The following TMEM170B variants were observed in gnomAD, a reference collection of about 807,000 sequenced individuals.
TMEM170B encodes transmembrane protein 170B.
TMEM170B carries 6 observed loss-of-function variants against 13.0 expected under a neutral mutation model. The observed-to-expected ratio is 0.46, with a 90% CI of 0.25 to 0.91. TMEM170B has a LOEUF of 0.91. TMEM170B is among the 40% of genes least tolerant of loss of function. The pLI is 0.17. For synonymous variants in TMEM170B, 61 were observed against 64.9 expected (o/e 0.94, Z 0.29); for missense variants, 138 against 165.2 (o/e 0.84, Z 0.90).
intron 1 of TMEM170B, among the ~76,000 whole-genome samples, chr6:11,549,556 G>A (rs539377999): frequency 2.6e-5 from 4 of 151,876 alleles, no homozygotes; most frequent in African/African-American, 7.3e-5. Context: ...CCAGCTACTC[G>A]GGAGGCTGAG....
chr6:11,574,268 A>G (rs1759844797), intron 2 of TMEM170B, among the ~76,000 whole-genome samples: 1 of 152,122 alleles, frequency 6.6e-6, no homozygotes, highest in South Asian at 2.1e-4. Flanking sequence ...ACACTATTTT[A>G]ATTTCCTTTT....
rs1759980469 is a variant in TMEM170B, at chr6:11,583,118, C to G, written c.*7557C>G. 1 of 152,130 alleles carries G rather than the reference C, an allele frequency of 6.6e-6. No homozygotes were observed. The highest frequency in any genetic ancestry group is 2.4e-5 in the African/African-American group (1 of 41,416). 9.4% of individuals were successfully genotyped at this position (152,130 alleles called of 1,614,324 possible). On this transcript the variant is annotated 3_prime_UTR_variant, in exon 3 of 3. Transcript: ENST00000379426. ...TTAATTGCAGTAAGCATCAGTTTAG[C>G]CTAGAGATGTTGATCTTTATTTTAA...
At chr6:11,545,534 G>A (rs887975579) in intron 1 of TMEM170B, among the ~76,000 whole-genome samples, 28 of 151,998 alleles carry the variant, frequency 1.8e-4, no homozygotes, top group Non-Finnish European at 3.4e-4. Context: ...GATCATGGCC[G>A]TCCTAATGTC....
chr6:11,538,431 T>C, intron 1 of TMEM170B, 57 bp downstream of exon 1: 1 of 1,319,142 alleles, frequency 7.6e-7, no homozygotes, highest in South Asian at 1.4e-5. Flanking sequence ...TCCTGTCTTC[T>C]CCTTCCTCGG....
chr6:11,569,922 G>A (rs1350637856), intron 2 of TMEM170B, among the ~76,000 whole-genome samples: 1 of 151,344 alleles, frequency 6.6e-6, no homozygotes, highest in Non-Finnish European at 1.5e-5. Flanking sequence ...AATCCCAGTG[G>A]TTTTGTGGTA....
intron 1 of TMEM170B, 88 bp downstream of exon 1, chr6:11,538,462 G>T (rs1327897095): frequency 7.9e-6 from 8 of 1,008,726 alleles, no homozygotes; most frequent in African/African-American, 1.7e-5. Context: ...GCTCCTCGCC[G>T]CCCCACCCCC....
In TMEM170B at chr6:11,546,475, T is replaced by C. The variant is rs563749630; in HGVS notation, c.97+8101T>C. Among the ~76,000 whole-genome samples, 7 of 152,304 alleles carry C rather than the reference T, an allele frequency of 4.6e-5. No homozygotes were observed. In the East Asian group the frequency reaches 1.3e-3, roughly 29 times the overall value. ...TTTAGTGTAGCCTGTGTATAGTGTT[T>C]ATAAAGTCTACAGCAGTGTACAGTA... On this transcript the variant is annotated intron_variant, in intron 1 of 2. Transcript: ENST00000379426.
At chr6:11,552,613 A>G (rs190604473) in intron 1 of TMEM170B, among the ~76,000 whole-genome samples, 16 of 152,318 alleles carry the variant, frequency 1.1e-4, no homozygotes, top group African/African-American at 2.9e-4. Flanking sequence ...TTTGTATTAC[A>G]CAATAGAGTC....
intron 2 of TMEM170B, among the ~76,000 whole-genome samples, chr6:11,572,820 T>C (rs576621054): frequency 3.3e-5 from 5 of 152,098 alleles, no homozygotes; most frequent in South Asian, 4.1e-4. Flanking sequence ...CACATACATA[T>C]GTATGTATGT....
intron 1 of TMEM170B, 91 bp downstream of exon 1, chr6:11,538,465 C>T (rs1759312098): frequency 1.0e-6 from 1 of 988,452 alleles, no homozygotes; most frequent in Non-Finnish European, 1.4e-6. Flanking sequence ...CCTCGCCGCC[C>T]CACCCCCGTG....
intron 2 of TMEM170B, among the ~76,000 whole-genome samples, chr6:11,571,838 CAAGTT>C (rs1276262100): frequency 1.3e-5 from 2 of 151,954 alleles, no homozygotes; most frequent in Admixed American, 1.3e-4. Flanking sequence ...CCCTGTGACT[CAAGTT>C]ATAAAAAGAC....
At chr6:11,542,914 G>A (rs1269001425) in intron 1 of TMEM170B, among the ~76,000 whole-genome samples, 1 of 152,156 alleles carries the variant, frequency 6.6e-6, no homozygotes, top group Non-Finnish European at 1.5e-5. Context: ...AAGTACATTT[G>A]AAAGGAAACT....
chr6:11,541,121 A>C (rs1582136384), intron 1 of TMEM170B, among the ~76,000 whole-genome samples: 1 of 152,150 alleles, frequency 6.6e-6, no homozygotes, highest in Non-Finnish European at 1.5e-5. Flanking sequence ...AGGGCGCCAG[A>C]ATGGTAAATG....
Position 11,549,595 on chromosome 6 carries a change from G to A in TMEM170B, c.97+11221G>A, listed in dbSNP as rs186903384. On this transcript the variant is annotated intron_variant, in intron 1 of 2. Transcript: ENST00000379426. The stretch of plus-strand genomic sequence containing the variant: ...GGAGAATGGCATGAACCCTGGAGGC[G>A]GAGCTTGCAGCGAGCCGAGATGGCG... Among the ~76,000 whole-genome samples, 370 of 151,932 alleles carry A rather than the reference G, an allele frequency of 2.4e-3. 2 individuals are homozygous for A. The highest frequency in any genetic ancestry group is 9.1e-3 in the South Asian group (44 of 4,814).
rs1482674387 is a variant in TMEM170B at position 11,580,540 on chromosome 6, A to G, written c.*4979A>G. 1.3e-5 allele frequency: 2 copies of G among 152,220 alleles called. No homozygotes were observed. The highest frequency in any genetic ancestry group is 1.9e-4 in the East Asian group (1 of 5,204). The allele number at this position is 152,220 out of a possible 1,614,324, so 9.4% of individuals were successfully genotyped here. ...AAATTCTAGCAGATTTCGATTGCAG[A>G]GAAATTTGGTAACACTTTTTGGGTA... is the stretch of plus-strand genomic sequence containing the variant. On this transcript the variant is annotated 3_prime_UTR_variant, in exon 3 of 3. Coordinates refer to ENST00000379426, the MANE Select transcript of TMEM170B (RefSeq NM_001100829.3).
In TMEM170B at chr6:11,575,860, G is replaced by T. The variant is rs149003983; in HGVS notation, c.*299G>T. The T allele has an allele frequency of 2.8e-5, 6 of 216,690 alleles. 1 individual carries two copies. Among genetic ancestry groups the T allele is most frequent in the Middle Eastern group, 3.4e-3 (2 of 582 alleles). The allele number at this position is 216,690 out of a possible 1,614,324, so 13.4% of individuals were successfully genotyped here. The stretch of plus-strand genomic sequence containing the variant: ...GGTTAACATTGGTGTTGAAATCATC[G>T]TTCCTAACAGTGTTATGTTAAGTTA... On this transcript the variant is annotated 3_prime_UTR_variant, in exon 3 of 3. Coordinates refer to ENST00000379426, the MANE Select transcript of TMEM170B (RefSeq NM_001100829.3). The surrounding 1 kb of genome is among the most constrained non-coding windows in gnomAD (Gnocchi z 4.1).
At chr6:11,570,211 G>A (rs966370782) in intron 2 of TMEM170B, among the ~76,000 whole-genome samples, 1 of 152,096 alleles carries the variant, frequency 6.6e-6, no homozygotes, top group Non-Finnish European at 1.5e-5. Context: ...TTTCTCAATA[G>A]GAAGTTTGTA....
rs1759950051 is a variant in TMEM170B at position 11,581,066 on chromosome 6, T to C, written c.*5505T>C. The stretch of plus-strand genomic sequence containing the variant: ...TGCTTAATATCTGAAGTATTTTCAG[T>C]AAATGTGGAGATATATCAGATAATA... On this transcript the variant is annotated 3_prime_UTR_variant, in exon 3 of 3. Transcript: ENST00000379426. 2 of 152,342 alleles carry C rather than the reference T, an allele frequency of 1.3e-5. No homozygotes were observed. The highest frequency in any genetic ancestry group is 4.1e-4 in the South Asian group (2 of 4,830). 9.4% of individuals were successfully genotyped at this position (152,342 alleles called of 1,614,324 possible).
At chr6:11,557,290 A>C (rs1759603460) in intron 1 of TMEM170B, among the ~76,000 whole-genome samples, 1 of 152,192 alleles carries the variant, frequency 6.6e-6, no homozygotes, top group African/African-American at 2.4e-5. Context: ...TTTTATATTA[A>C]AATTTAAATA....
Sources: gnomAD v4.1 joint callset for allele counts (sites outside exome capture counted in the v4.1 genomes callset) on GRCh38, gnomAD v4.1.1 for gene constraint, Gnocchi (gnomAD v3.1) non-coding constraint, MANE v1.5 for transcripts, NCBI Gene and HGNC (gene_info 2026-07-23, HGNC 2026-07-21) for gene names.